Variants in ANKRD55 observed in about 807,000 individuals in gnomAD.
The protein encoded by ANKRD55 is ankyrin repeat domain 55.
In ANKRD55, 41 loss-of-function variants were observed where a neutral mutation model predicts 60.6. The observed-to-expected ratio is 0.68, with a 90% CI of 0.53 to 0.88. The LOEUF is 0.88. ANKRD55 is among the 40% of genes least tolerant of loss of function. The pLI is 0.00. For synonymous variants in ANKRD55, 264 were observed against 290.3 expected (o/e 0.91, Z 0.92); for missense variants, 732 against 767.6 (o/e 0.95, Z 0.55).
In ANKRD55 at chr5:56,143,818, G is replaced by A; in HGVS notation, c.595C>T (p.Leu199Phe). Residue 199 changes from leucine (L) to phenylalanine (F), a missense_variant, in exon 7 of 12, where the codon CTC becomes TTC. Coordinates refer to ENST00000341048, the MANE Select transcript of ANKRD55 (RefSeq NM_024669.3). ...TLVDKDFKTA[L>F]HWAVQSGNRI... ...TTTCTCACCTGGACTGCCCAGTGGAGAGCGGTTTTAAAGTCTTTATCCACA... is the reference window on the plus strand; with the variant it reads ...TTTCTCACCTGGACTGCCCAGTGGAAAGCGGTTTTAAAGTCTTTATCCACA... The A allele has an allele frequency of 6.2e-7, 1 of 1,614,196 alleles. No individual in the cohort carries two copies. The highest frequency in any genetic ancestry group is 8.5e-7 in the Non-Finnish European group (1 of 1,180,030).
chr5:56,208,791 C>T (rs1019296924), intron 2 of ANKRD55, among the ~76,000 whole-genome samples: 1 of 152,104 alleles, frequency 6.6e-6, no homozygotes, highest in African/African-American at 2.4e-5. Context: ...TCACAAACAC[C>T]TGGATAATGT....
intron 11 of ANKRD55, 58 bp downstream of exon 11, chr5:56,102,436 T>G: frequency 8.3e-7 from 1 of 1,200,430 alleles, no homozygotes; most frequent in Non-Finnish European, 1.2e-6. Context: ...TAACATTTAG[T>G]TGTGTCTAGA....
At position 56,111,134 on chromosome 5, in the gene ANKRD55, T is replaced by C. The variant is rs368228245; in HGVS notation, c.1614A>G (p.Leu538=). 192 of 1,613,562 alleles carry C rather than the reference T, an allele frequency of 1.2e-4. No homozygotes were observed. Among genetic ancestry groups the C allele is most frequent in the Middle Eastern group, 1.6e-4 (1 of 6,078 alleles). Residue 538 remains leucine (L), a synonymous_variant, in exon 10 of 12, where the codon CTA becomes CTG. Coordinates refer to ENST00000341048, the MANE Select transcript of ANKRD55 (RefSeq NM_024669.3). ...GGACATTACCTGATGATGGATTATG[T>C]AGATGGCGAAGGTGTGGTGGCACGG... ...EVSVPPHLRH[L]HNPSSGQNFQ...
rs1029110627 is a variant in ANKRD55 at position 56,133,404 on chromosome 5, A to G, written c.613-6298T>C. On this transcript the variant is annotated intron_variant, in intron 7 of 11. Coordinates refer to ENST00000341048, the MANE Select transcript of ANKRD55 (RefSeq NM_024669.3). ...TAGTGAGCCGAGATTGTGCCACTGC[A>G]CTCCAGCCTGGGTGACAGAGGAAGA... Among the ~76,000 whole-genome samples the G allele has an allele frequency of 9.1e-5, 13 of 142,318 alleles. 4 individuals carry two copies. The Admixed American group carries it at 9.5e-4, about 10-fold the overall frequency. 93.4% of individuals were successfully genotyped at this position (142,318 alleles called of 152,430 possible).
In ANKRD55 at chr5:56,229,561, T is replaced by C. The variant is rs148372409; in HGVS notation, c.58+3295A>G. On this transcript the variant is annotated intron_variant, in intron 2 of 11. Coordinates refer to ENST00000341048, the MANE Select transcript of ANKRD55 (RefSeq NM_024669.3). ...TGGAGATCAACTAGTTTGTGCAAGT[T>C]CATGTAACTAGGAAGAGGGCAGAGA... is the stretch of plus-strand genomic sequence containing the variant. Among the ~76,000 whole-genome samples the C allele has an allele frequency of 9.5e-4, 145 of 152,202 alleles. 3 individuals are homozygous for C. The Middle Eastern group carries it at 0.027, about 29-fold the overall frequency.
chr5:56,215,853 C>CT (rs969139835), intron 2 of ANKRD55, among the ~76,000 whole-genome samples: 3 of 151,958 alleles, frequency 2.0e-5, no homozygotes, highest in African/African-American at 7.3e-5. Context: ...AGTGATAGCT[C>CT]TTTTTTTAAT....
chr5:56,155,944 T>C (rs903982078), intron 6 of ANKRD55, among the ~76,000 whole-genome samples: 8 of 151,912 alleles, frequency 5.3e-5, no homozygotes, highest in African/African-American at 1.7e-4. Context: ...AATATATACA[T>C]ACACATATAT....
At chr5:56,122,649 ACT>A (rs1757102941) in intron 8 of ANKRD55, among the ~76,000 whole-genome samples, 2 of 151,804 alleles carry the variant, frequency 1.3e-5, no homozygotes, top group Admixed American at 6.6e-5. Context: ...ACAGGGTGAG[ACT>A]CTGTCTCCAA....
chr5:56,125,964 T>C (rs1236988312), intron 8 of ANKRD55, among the ~76,000 whole-genome samples: 1 of 151,864 alleles, frequency 6.6e-6, no homozygotes, highest in Non-Finnish European at 1.5e-5. Flanking sequence ...TGAAACCCTG[T>C]CTCTAATAAA....
intron 5 of ANKRD55, among the ~76,000 whole-genome samples, chr5:56,163,568 C>T (rs1038892166): frequency 6.6e-6 from 1 of 152,186 alleles, no homozygotes; most frequent in Non-Finnish European, 1.5e-5. Context: ...CAAGAGCAGT[C>T]CCAGACAGGT....
At chr5:56,171,983 G>A (rs1758618567) in intron 4 of ANKRD55, among the ~76,000 whole-genome samples, 1 of 152,092 alleles carries the variant, frequency 6.6e-6, no homozygotes, top group South Asian at 2.1e-4. Context: ...GCTGGGAATG[G>A]TGGCGGGTGC....
At chr5:56,182,459 T>C (rs142051553) in intron 3 of ANKRD55, among the ~76,000 whole-genome samples, 1 of 152,352 alleles carries the variant, frequency 6.6e-6, no homozygotes, top group African/African-American at 2.4e-5. Context: ...TTTTATTTCT[T>C]TGCTGAGACT....
chr5:56,136,200 T>C (rs1408312044), intron 7 of ANKRD55, among the ~76,000 whole-genome samples: 4 of 152,234 alleles, frequency 2.6e-5, no homozygotes, highest in Non-Finnish European at 5.9e-5. Flanking sequence ...ATTTGATCTA[T>C]AGATTCAATA....
intron 9 of ANKRD55, among the ~76,000 whole-genome samples, chr5:56,113,217 T>C (rs1756787686): frequency 6.6e-6 from 1 of 152,200 alleles, no homozygotes; most frequent in South Asian, 2.1e-4. Context: ...GGCATTAAAC[T>C]CTATTCATAA....
intron 2 of ANKRD55, among the ~76,000 whole-genome samples, chr5:56,225,192 T>C (rs2111895318): frequency 6.6e-6 from 1 of 152,238 alleles, no homozygotes; most frequent in South Asian, 2.1e-4. Flanking sequence ...CACAAATCAA[T>C]AAACGTAATC....
chr5:56,207,257 T>A (rs1759534773), intron 2 of ANKRD55, among the ~76,000 whole-genome samples: 1 of 152,178 alleles, frequency 6.6e-6, no homozygotes, highest in African/African-American at 2.4e-5. Context: ...CTTGCTGGTC[T>A]TATGTGTGTG....
chr5:56,207,520 T>C (rs1759541637), intron 2 of ANKRD55, among the ~76,000 whole-genome samples: 1 of 152,182 alleles, frequency 6.6e-6, no homozygotes, highest in Non-Finnish European at 1.5e-5. Flanking sequence ...TACACAAACC[T>C]AGATGGTATA....
chr5:56,107,429 G>A (rs897540254), intron 10 of ANKRD55, among the ~76,000 whole-genome samples: 8 of 152,190 alleles, frequency 5.3e-5, no homozygotes, highest in Admixed American at 3.3e-4. Flanking sequence ...CCCAAACCAC[G>A]TTTATTGAAT....
chr5:56,120,899 C>CAAAA (rs34532327), intron 8 of ANKRD55, among the ~76,000 whole-genome samples: 2 of 81,120 alleles, frequency 2.5e-5, no homozygotes, highest in African/African-American at 4.7e-5. Flanking sequence ...GACTCCGTCT[C>CAAAA]AAAAAAAAAA....
Sources: gnomAD v4.1 joint callset for allele counts (sites outside exome capture counted in the v4.1 genomes callset) on GRCh38, gnomAD v4.1.1 for gene constraint, MANE v1.5 for transcripts, NCBI Gene and HGNC (gene_info 2026-07-23, HGNC 2026-07-21) for gene names.